WASHC4: variants seen among roughly 807,000 people sequenced by gnomAD.
WASHC4 encodes the protein WASH complex subunit 7.
In WASHC4, 86 loss-of-function variants were observed where a neutral mutation model predicts 166.6. The ratio of observed to expected loss-of-function variants is 0.52; its 90% CI spans 0.43 to 0.62. The LOEUF is 0.62. Among genes scored for constraint, WASHC4 ranks in the 20% least tolerant of loss-of-function variants. The probability of loss-of-function intolerance (pLI) is 0.00; values close to 1 mark genes in which losing one functional copy is unlikely to be tolerated. For missense variants in WASHC4, 1,262 were observed against 1,382.4 expected (o/e 0.91, Z 1.38); for synonymous variants, 446 against 451.6 (o/e 0.99, Z 0.16).
chr12:105,110,918 A>G (rs1204491527), intron 1 of WASHC4, among the ~76,000 whole-genome samples: 3 of 152,328 alleles, frequency 2.0e-5, no homozygotes, highest in African/African-American at 7.2e-5. Flanking sequence ...ATATATGGTA[A>G]CATCTACTGC....
rs1026999680 is a variant in WASHC4 at position 105,140,591 on chromosome 12, G to A, written c.1560+190G>A. ...TTGGCATTATCTTTACTGTGAAATTGCAGCATGTAATACATTAATACACTT... is the reference window on the plus strand; with the variant it reads ...TTGGCATTATCTTTACTGTGAAATTACAGCATGTAATACATTAATACACTT... On this transcript the variant is annotated intron_variant, in intron 16 of 32. Coordinates refer to ENST00000332180, the MANE Select transcript of WASHC4 (RefSeq NM_015275.3). 3.3e-5 allele frequency among the ~76,000 whole-genome samples: 5 copies of A among 152,222 alleles called. No homozygotes were observed. The East Asian group carries it at 9.6e-4, about 29-fold the overall frequency.
At chr12:105,146,556 T>TTA in intron 23 of WASHC4, 30 bp downstream of exon 23, 1 of 1,278,606 alleles carries the variant, frequency 7.8e-7, no homozygotes, top group Non-Finnish European at 1.1e-6. Flanking sequence ...TTTTTTTTTT[T>TTA]AATGTAGGTG....
chr12:105,158,324 G>C (rs1445778509), intron 28 of WASHC4, among the ~76,000 whole-genome samples: 2 of 152,234 alleles, frequency 1.3e-5, no homozygotes, highest in African/African-American at 2.4e-5. Context: ...GGAGAAAACT[G>C]TCTTTACAGT....
Position 105,164,651 on chromosome 12 carries a change from T to C in WASHC4, c.3365T>C (p.Leu1122Ser), listed in dbSNP as rs1329876664. 3 of 1,610,420 alleles carry C rather than the reference T, an allele frequency of 1.9e-6. No homozygotes were observed. The highest frequency in any genetic ancestry group is 1.3e-5 in the African/African-American group (1 of 74,870). Residue 1122 changes from leucine to serine, a missense_variant, in exon 32 of 33, where the codon TTG (leucine) becomes TCG (serine). Physicochemically the swap from Leu to Ser is moderately radical, Grantham distance 145. Coordinates refer to ENST00000332180, the MANE Select transcript of WASHC4 (RefSeq NM_015275.3). ...TTTAAATTTACTTAGGAATTTGAAT[T>C]GCTGTATTTCTCACTGAGCAGTGCA... is the stretch of plus-strand genomic sequence containing the variant. ...RLDVYLQEFELLYFSLSSARI... is the reference protein window; with the variant it reads ...RLDVYLQEFESLYFSLSSARI...
At position 105,168,213 on chromosome 12, in the gene WASHC4, C is replaced by A. The variant is rs10861359; in HGVS notation, c.*1282C>A. ...GTGTACAATGCCCTGTTTGTACTTA[C>A]TGGTTAGGGTCAGGGTAACTTGCCA... is the stretch of plus-strand genomic sequence containing the variant. On this transcript the variant is annotated 3_prime_UTR_variant, in exon 33 of 33. Coordinates refer to ENST00000332180, the MANE Select transcript of WASHC4 (RefSeq NM_015275.3). The A allele has an allele frequency of 0.16, 24,260 of 152,216 alleles. 2,318 individuals carry two copies. Among genetic ancestry groups the A allele is most frequent in the East Asian group, 0.25 (1,306 of 5,164 alleles). 9.4% of individuals were successfully genotyped at this position (152,216 alleles called of 1,614,324 possible).
intron 10 of WASHC4, among the ~76,000 whole-genome samples, chr12:105,124,454 G>A (rs898010593): frequency 6.6e-6 from 1 of 151,502 alleles, no homozygotes; most frequent in African/African-American, 2.4e-5. Flanking sequence ...TGTGTTTGCT[G>A]TTAACCTCTA....
rs1592896322 is a variant in WASHC4, at chr12:105,144,453, G to A, written c.2177G>A (p.Arg726Gln). 4.3e-6 allele frequency: 7 copies of A among 1,611,612 alleles called. No individual in the cohort carries two copies. Among genetic ancestry groups the A allele is most frequent in the Non-Finnish European group, 5.1e-6 (6 of 1,178,804 alleles). The change falls in exon 21 of 33, where the codon CGG becomes CAG. Residue 726 changes from arginine to glutamine, a missense_variant and splice_region_variant. Transcript: ENST00000332180. ...IRFFNRFIDI[R>Q]AYVTHYLDKT... Reference sequence around the variant, plus strand: ...TTTTTCAATCGTTTCATTGACATTCGGGGTGAGTGTTTTGCTTTCCTTCTT... The same window carrying A: ...TTTTTCAATCGTTTCATTGACATTCAGGGTGAGTGTTTTGCTTTCCTTCTT...
chr12:105,164,025 C>G, intron 30 of WASHC4, 86 bp from the exon 31 acceptor site: 2 of 1,159,308 alleles, frequency 1.7e-6, no homozygotes, highest in Non-Finnish European at 1.3e-6. Context: ...ACTCAGAATG[C>G]TTAGTGTTGG....
intron 1 of WASHC4, among the ~76,000 whole-genome samples, chr12:105,109,669 T>TTTTTTTTTTTTTTTTTTTC: frequency 6.7e-6 from 1 of 149,758 alleles, no homozygotes. Flanking sequence ...TTTTTTTTTT[T>TTTTTTTTTTTTTTTTTTTC]TCGAGACAAG....
chr12:105,109,289 TAG>T (rs750837326), intron 1 of WASHC4, among the ~76,000 whole-genome samples: 3 of 152,098 alleles, frequency 2.0e-5, no homozygotes, highest in Non-Finnish European at 4.4e-5. Context: ...AAAATTGGAA[TAG>T]AGTTATGTTA....
At chr12:105,111,592 A>G (rs1041151664) in intron 2 of WASHC4, among the ~76,000 whole-genome samples, 3 of 152,124 alleles carry the variant, frequency 2.0e-5, no homozygotes, top group Admixed American at 6.5e-5. Context: ...GATTGAGACT[A>G]TTTTACATAG....
chr12:105,115,550 T>A, intron 5 of WASHC4, 111 bp from the exon 6 acceptor site: 1 of 772,886 alleles, frequency 1.3e-6, no homozygotes, highest in Non-Finnish European at 2.3e-6. Context: ...TTCAATACTA[T>A]GCAGAGTAAA....
intron 27 of WASHC4, among the ~76,000 whole-genome samples, 169 bp from the exon 28 acceptor site, chr12:105,157,063 TCTAA>T (rs1157929652): frequency 6.6e-6 from 1 of 152,218 alleles, no homozygotes; most frequent in Non-Finnish European, 1.5e-5. Context: ...AATATTCATA[TCTAA>T]AATTCAATTT....
chr12:105,141,891 A>G (rs995294984), intron 18 of WASHC4, among the ~76,000 whole-genome samples: 1 of 151,328 alleles, frequency 6.6e-6, no homozygotes, highest in African/African-American at 2.4e-5. Flanking sequence ...TGGAAGAAAT[A>G]TTGAGCCTTT....
At chr12:105,139,425 G>GTGTGTGTGTATATATATATATATATA in intron 15 of WASHC4, among the ~76,000 whole-genome samples, 2 of 103,224 alleles carry the variant, frequency 1.9e-5, no homozygotes, top group African/African-American at 7.1e-5. Context: ...ATGTGTGTGT[G>GTGTGTGTGTATATATATATATATATA]TATATATATA....
chr12:105,144,758 A>G lies in WASHC4; in HGVS notation c.2220A>G (p.Leu740=). The change falls in exon 22 of 33, where the codon CTA becomes CTG. Residue 740 remains leucine (L), a synonymous_variant. Transcript: ENST00000332180. ...ACCTAGACAAGACTTTCTACAATCTAACAACTGTAGCCCTTCATGACTGGG... is the reference window on the plus strand; with the variant it reads ...ACCTAGACAAGACTTTCTACAATCTGACAACTGTAGCCCTTCATGACTGGG... ...THYLDKTFYN[L]TTVALHDWAT... 1 of 1,612,668 alleles carries G rather than the reference A, an allele frequency of 6.2e-7. No homozygotes were observed. The highest frequency in any genetic ancestry group is 8.5e-7 in the Non-Finnish European group (1 of 1,179,122).
intron 14 of WASHC4, among the ~76,000 whole-genome samples, chr12:105,136,657 T>A (rs1349398694): frequency 6.6e-6 from 1 of 152,188 alleles, no homozygotes; most frequent in African/African-American, 2.4e-5. Flanking sequence ...AGATCTTTGC[T>A]GTTCCTTGTT....
intron 14 of WASHC4, among the ~76,000 whole-genome samples, chr12:105,135,659 T>G (rs1370615699): frequency 6.9e-6 from 1 of 145,264 alleles, no homozygotes; most frequent in Non-Finnish European, 1.5e-5. Flanking sequence ...CTTTTCTGTT[T>G]CCTCTGTTCT....
intron 24 of WASHC4, 123 bp from the exon 25 acceptor site, chr12:105,149,491 CT>C: frequency 1.0e-6 from 1 of 990,136 alleles, no homozygotes; most frequent in African/African-American, 1.7e-5. Flanking sequence ...ATGAAATAGA[CT>C]TTTTAAATAG....
Sources: gnomAD v4.1 joint callset for allele counts (sites outside exome capture counted in the v4.1 genomes callset) on GRCh38, gnomAD v4.1.1 for gene constraint, MANE v1.5 for transcripts, NCBI Gene and HGNC (gene_info 2026-07-23, HGNC 2026-07-21) for gene names.